The following BRWD1 variants were observed in gnomAD, a reference collection of about 807,000 sequenced individuals.
The protein encoded by BRWD1 is bromodomain and WD repeat-containing protein 1.
A neutral mutation model predicts 251.2 loss-of-function variants in BRWD1; 82 were observed. The ratio of observed to expected loss-of-function variants is 0.33; its 90% CI spans 0.27 to 0.39. The LOEUF is 0.39. BRWD1 is among the 10% of genes least tolerant of loss of function. The pLI, the probability that BRWD1 is intolerant of heterozygous loss-of-function variation, is 1.00. For missense variants in BRWD1, 2,233 were observed against 2,711.6 expected, an observed-to-expected ratio of 0.82 and a Z score of 3.92; for synonymous variants, 918 against 902.8, an observed-to-expected ratio of 1.02 and a Z score of -0.30.
chr21:39,264,233 A>G (rs1046173116), intron 17 of BRWD1, among the ~76,000 whole-genome samples: 1 of 152,182 alleles, frequency 6.6e-6, no homozygotes, highest in Non-Finnish European at 1.5e-5. Flanking sequence ...CCTAATTGTC[A>G]TAAGTGTCTA....
intron 3 of BRWD1, 71 bp from the exon 4 acceptor site, chr21:39,312,971 GGGCGGGC>G (rs1299855372): frequency 0.04 from 24,687 of 615,520 alleles, 3,635 homozygotes; most frequent in East Asian, 0.064. Context: ...GGGGGGCCGG[GGGCGGGC>G]GGCGGGCGGC....
In BRWD1 at chr21:39,254,957, G is replaced by C. The variant is rs73906161; in HGVS notation, c.2255+688C>G. Among the ~76,000 whole-genome samples, 255 of 152,228 alleles carry C rather than the reference G, an allele frequency of 1.7e-3. 1 individual carries two copies. The highest frequency in any genetic ancestry group is 5.8e-3 in the African/African-American group (241 of 41,548). ...GGTTATACTGAGAAACCAAGGTACG[G>C]TTTTTTTAAGGTGTGATAACAGCAT... On this transcript the variant is annotated intron_variant, in intron 19 of 40. Coordinates refer to ENST00000342449, the MANE Select transcript of BRWD1 (RefSeq NM_033656.4).
At chr21:39,245,748 T>TA (rs1299262078) in intron 21 of BRWD1, among the ~76,000 whole-genome samples, 2 of 152,058 alleles carry the variant, frequency 1.3e-5, no homozygotes, top group African/African-American at 4.8e-5. Flanking sequence ...CACATGCACC[T>TA]ACCACCACGT....
intron 13 of BRWD1, among the ~76,000 whole-genome samples, chr21:39,272,311 A>AT (rs997086679): frequency 4.1e-4 from 57 of 139,870 alleles, no homozygotes; most frequent in East Asian, 3.4e-3. Flanking sequence ...TAAATAAATA[A>AT]AAAAAAAAAA....
At chr21:39,272,286 A>T (rs2035137355) in intron 13 of BRWD1, among the ~76,000 whole-genome samples, 1 of 145,514 alleles carries the variant, frequency 6.9e-6, no homozygotes, top group Non-Finnish European at 1.5e-5. Context: ...CATTGTGCAC[A>T]TGTACCCTAA....
At position 39,187,091 on chromosome 21, in the gene BRWD1, C is replaced by G. The variant is rs2031278248; in HGVS notation, c.*9168G>C. The G allele has an allele frequency of 6.2e-7, 1 of 1,603,430 alleles. No individual in the cohort carries two copies. The highest frequency in any genetic ancestry group is 8.5e-7 in the Non-Finnish European group (1 of 1,177,352). ...AAAAGCATTTTTCTATTAATATCTT[C>G]TAGCTCTTTTTCACTTTCAGAATTT... On this transcript the variant is annotated 3_prime_UTR_variant, in exon 41 of 41. Coordinates refer to ENST00000342449, the MANE Select transcript of BRWD1 (RefSeq NM_033656.4).
At chr21:39,270,099 C>G (rs1208673451) in intron 14 of BRWD1, 66 bp from the exon 15 acceptor site, 2 of 1,350,174 alleles carry the variant, frequency 1.5e-6, no homozygotes, top group African/African-American at 3.0e-5. Context: ...TTTAAAAATA[C>G]ATACTGTTAC....
Position 39,191,572 on chromosome 21 carries a change from A to T in BRWD1, c.*4687T>A, listed in dbSNP as rs1027759670. On this transcript the variant is annotated 3_prime_UTR_variant, in exon 41 of 41. Transcript: ENST00000342449. ...CTTGACAGGCTCATGTAATTTTTTG[A>T]TTGGGATTTTGTAGGTGAATATATA... 1.0e-6 allele frequency: 1 copy of T among 984,724 alleles called. No homozygotes were observed. The highest frequency in any genetic ancestry group is 1.2e-6 in the Non-Finnish European group (1 of 829,384). 61.0% of individuals were successfully genotyped at this position (984,724 alleles called of 1,614,324 possible).
chr21:39,285,072 A>G (rs2035589994), intron 8 of BRWD1, among the ~76,000 whole-genome samples: 1 of 152,220 alleles, frequency 6.6e-6, no homozygotes, highest in Non-Finnish European at 1.5e-5. Flanking sequence ...GAATCAACCT[A>G]AACACCCATC....
intron 5 of BRWD1, chr21:39,297,045 GCA>G: frequency 1.0e-6 from 1 of 985,316 alleles, no homozygotes; most frequent in Non-Finnish European, 1.2e-6. Flanking sequence ...CTACTGAAGA[GCA>G]CATACGTAGG....
At chr21:39,248,100 T>C (rs1325592866) in intron 20 of BRWD1, among the ~76,000 whole-genome samples, 2 of 152,034 alleles carry the variant, frequency 1.3e-5, no homozygotes, top group African/African-American at 4.8e-5. Flanking sequence ...TGAGGGAAAA[T>C]AACAATAATC....
chr21:39,205,228 T>C (rs2146479378), intron 37 of BRWD1, among the ~76,000 whole-genome samples: 1 of 151,994 alleles, frequency 6.6e-6, no homozygotes, highest in Non-Finnish European at 1.5e-5. Context: ...AATCCCAACA[T>C]ATTGGGAGGC....
At chr21:39,284,927 T>C (rs546225752) in intron 8 of BRWD1, among the ~76,000 whole-genome samples, 5 of 152,356 alleles carry the variant, frequency 3.3e-5, no homozygotes, top group Admixed American at 3.3e-4. Flanking sequence ...TAGTTTGATG[T>C]AATCCCATTT....
intron 10 of BRWD1, 108 bp downstream of exon 10, chr21:39,278,635 C>A: frequency 1.4e-6 from 1 of 736,138 alleles, no homozygotes. Context: ...GAAATAAACA[C>A]CAGAAGTCAT....
chr21:39,264,192 T>G (rs2034844596), intron 17 of BRWD1, among the ~76,000 whole-genome samples: 1 of 152,182 alleles, frequency 6.6e-6, no homozygotes, highest in Non-Finnish European at 1.5e-5. Flanking sequence ...CACTATAGAT[T>G]TGATAATAGT....
chr21:39,278,524 C>A, intron 10 of BRWD1: 2 of 476,742 alleles, frequency 4.2e-6, no homozygotes, highest in Non-Finnish European at 7.5e-6. Flanking sequence ...TTTTACCAGC[C>A]ATCTCTTATA....
chr21:39,213,070 A>G (rs1247899620), intron 33 of BRWD1, among the ~76,000 whole-genome samples: 1 of 152,148 alleles, frequency 6.6e-6, no homozygotes, highest in African/African-American at 2.4e-5. Flanking sequence ...TCTATAGTAC[A>G]GGCATGCACT....
At position 39,200,315 on chromosome 21, in the gene BRWD1, CTT is replaced by C. The variant is rs775964070; in HGVS notation, c.4655_4656del (p.Lys1552ArgfsTer7). ...SSASSSSEES[K>X]ESSRARESSS... ...GAGGATTCACGAGCTCTGGAACTCT[CTT>C]TGCTTTCCTCAGAACTACTGGAAGC... On this transcript the variant is annotated frameshift_variant, in exon 39 of 41. Transcript: ENST00000342449. LOFTEE classifies it high-confidence loss of function. 6.2e-7 allele frequency: 1 copy of C among 1,614,152 alleles called. No individual in the cohort carries two copies. The highest frequency in any genetic ancestry group is 2.2e-5 in the East Asian group (1 of 44,884).
intron 29 of BRWD1, among the ~76,000 whole-genome samples, chr21:39,219,179 C>G (rs4818006): frequency 0.93 from 141,067 of 152,228 alleles, 65,711 homozygotes; most frequent in African/African-American, 0.97. Flanking sequence ...CTAGCACTTT[C>G]AGAGGCCGAG....
Sources: gnomAD v4.1 joint callset for allele counts (sites outside exome capture counted in the v4.1 genomes callset) on GRCh38, gnomAD v4.1.1 for gene constraint, MANE v1.5 for transcripts, NCBI Gene and HGNC (gene_info 2026-07-23, HGNC 2026-07-21) for gene names.